The following EGFLAM variants were observed in gnomAD, a reference collection of about 807,000 sequenced individuals.
EGFLAM encodes pikachurin.
A neutral mutation model predicts 113.1 loss-of-function variants in EGFLAM; 79 were observed. The observed-to-expected ratio is 0.70, with a 90% CI of 0.58 to 0.84. The LOEUF (loss-of-function observed/expected upper bound fraction) is 0.84. Among genes scored for constraint, EGFLAM ranks in the 40% least tolerant of loss-of-function variants. The pLI, the probability that EGFLAM is intolerant of heterozygous loss-of-function variation, is 0.00. For synonymous variants in EGFLAM, 504 were observed against 487.6 expected (o/e 1.03, Z -0.44); for missense variants, 1,265 against 1,291.6 (o/e 0.98, Z 0.32).
intron 11 of EGFLAM, among the ~76,000 whole-genome samples, chr5:38,413,226 A>C (rs1413908426): frequency 3.5e-5 from 4 of 114,060 alleles, no homozygotes; most frequent in Non-Finnish European, 5.0e-5. Flanking sequence ...TTAGAGTTTC[A>C]CTGTGTTGCC....
chr5:38,310,544 C>T (rs1388964944), intron 1 of EGFLAM, among the ~76,000 whole-genome samples: 1 of 152,084 alleles, frequency 6.6e-6, no homozygotes, highest in Non-Finnish European at 1.5e-5. Context: ...TTCCTTTCTT[C>T]CCTCCTACCT....
chr5:38,438,225 A>G, intron 16 of EGFLAM, 50 bp from the exon 17 acceptor site: 1 of 1,583,262 alleles, frequency 6.3e-7, no homozygotes, highest in Non-Finnish European at 8.6e-7. Context: ...TTAGAAGACT[A>G]CAAAGATGTT....
chr5:38,410,866 T>G (rs1741455796), intron 10 of EGFLAM, among the ~76,000 whole-genome samples: 1 of 152,190 alleles, frequency 6.6e-6, no homozygotes, highest in African/African-American at 2.4e-5. Flanking sequence ...TTTATGAATA[T>G]CACTGAGCTT....
At position 38,258,567 on chromosome 5, in the gene EGFLAM, A is replaced by C; in HGVS notation, c.-188A>C. 1.7e-6 allele frequency: 1 copy of C among 597,924 alleles called. No individual in the cohort carries two copies. The highest frequency in any genetic ancestry group is 2.9e-6 in the Non-Finnish European group (1 of 343,722). The allele number at this position is 597,924 out of a possible 1,614,324, so 37.0% of individuals were successfully genotyped here. A position where few individuals can be genotyped will look rare whatever the true frequency, so the allele number is the denominator to read the frequency against. ...AGCTTGCAGCCGGCTTCACTCGCGC[A>C]CGCCGACCTCCCGGCTGCAGTCCTA... On this transcript the variant is annotated 5_prime_UTR_variant, in exon 1 of 22. Transcript: ENST00000322350.
In EGFLAM at chr5:38,445,847, G is replaced by A. The variant is rs140342224; in HGVS notation, c.2465-2454G>A. 9.2e-3 allele frequency: 8,289 copies of A among 897,322 alleles called. 56 individuals are homozygous for A. Among genetic ancestry groups the A allele is most frequent in the Non-Finnish European group, 0.012 (6,630 of 551,972 alleles). 55.6% of individuals were successfully genotyped at this position (897,322 alleles called of 1,614,324 possible). On this transcript the variant is annotated intron_variant, in intron 17 of 21. Coordinates refer to ENST00000322350, the MANE Select transcript of EGFLAM (RefSeq NM_152403.4). ...GAAGCCTCCCCGCCGGCCAGCCAGA[G>A]GACACTTCTCTCCTGAGCTGGGGGC...
chr5:38,278,385 A>C (rs539794896), intron 1 of EGFLAM, among the ~76,000 whole-genome samples: 4 of 152,336 alleles, frequency 2.6e-5, no homozygotes, highest in Admixed American at 6.5e-5. Flanking sequence ...TGATATACAA[A>C]AATCAACTCA....
intron 3 of EGFLAM, among the ~76,000 whole-genome samples, chr5:38,347,337 G>T (rs542285172): frequency 6.6e-6 from 1 of 152,216 alleles, no homozygotes; most frequent in African/African-American, 2.4e-5. Context: ...CTAAGCTTTG[G>T]GATGCCAGGG....
At chr5:38,393,087 G>C (rs1740859534) in intron 6 of EGFLAM, among the ~76,000 whole-genome samples, 1 of 151,976 alleles carries the variant, frequency 6.6e-6, no homozygotes, top group African/African-American at 2.4e-5. Context: ...AGAAATTTTA[G>C]AATCAGTTTT....
At chr5:38,346,408 G>A (rs1393136723) in intron 3 of EGFLAM, 1 of 152,136 alleles carries the variant, frequency 6.6e-6, no homozygotes, top group Non-Finnish European at 1.5e-5. Context: ...TCCCTATTTT[G>A]CCACTGACTA....
At chr5:38,439,922 G>T (rs886436379) in intron 17 of EGFLAM, among the ~76,000 whole-genome samples, 1 of 152,146 alleles carries the variant, frequency 6.6e-6, no homozygotes, top group African/African-American at 2.4e-5. Flanking sequence ...TGTAAATCCC[G>T]GACTTAGATG....
chr5:38,282,030 G>C (rs186222291), intron 1 of EGFLAM, among the ~76,000 whole-genome samples: 1 of 152,140 alleles, frequency 6.6e-6, no homozygotes, highest in African/African-American at 2.4e-5. Flanking sequence ...TAAAGGGAAA[G>C]ATCACTGTAA....
At chr5:38,451,628 T>G in intron 19 of EGFLAM, 170 bp downstream of exon 19, 1 of 993,838 alleles carries the variant, frequency 1.0e-6, no homozygotes, top group South Asian at 1.8e-5. Flanking sequence ...AACATTCATC[T>G]TATAGAGCAG....
At chr5:38,310,552 C>G (rs1453743574) in intron 1 of EGFLAM, among the ~76,000 whole-genome samples, 1 of 152,054 alleles carries the variant, frequency 6.6e-6, no homozygotes, top group Non-Finnish European at 1.5e-5. Flanking sequence ...TTCCCTCCTA[C>G]CTTCTTCATT....
At chr5:38,461,511 T>C (rs74677848) in intron 20 of EGFLAM, among the ~76,000 whole-genome samples, 2,464 of 151,948 alleles carry the variant, frequency 0.016, 69 homozygotes, top group African/African-American at 0.055. Context: ...TTTAGAGTAA[T>C]TAATTTTTTT....
At chr5:38,324,928 C>T (rs1738837539) in intron 1 of EGFLAM, among the ~76,000 whole-genome samples, 1 of 152,138 alleles carries the variant, frequency 6.6e-6, no homozygotes, top group Middle Eastern at 3.2e-3. Context: ...GTGATGCCAC[C>T]TACCAGGGTT....
chr5:38,310,196 C>T (rs2111855484), intron 1 of EGFLAM, among the ~76,000 whole-genome samples: 1 of 152,300 alleles, frequency 6.6e-6, no homozygotes, highest in South Asian at 2.1e-4. Flanking sequence ...TATAATCTTT[C>T]CTCCTCTTCA....
intron 1 of EGFLAM, among the ~76,000 whole-genome samples, chr5:38,289,275 G>GC (rs1554045471): frequency 6.7e-6 from 1 of 148,962 alleles, no homozygotes; most frequent in African/African-American, 2.5e-5. Context: ...TTCTTTCCCC[G>GC]CCCCCACATT....
At chr5:38,444,684 C>A (rs752883872) in intron 17 of EGFLAM, among the ~76,000 whole-genome samples, 1 of 152,170 alleles carries the variant, frequency 6.6e-6, no homozygotes, top group Non-Finnish European at 1.5e-5. Flanking sequence ...GTGGCTCACA[C>A]CTGTAATCCA....
chr5:38,445,743 T>C (rs200452365), intron 17 of EGFLAM: 99 of 1,593,196 alleles, frequency 6.2e-5, no homozygotes, highest in African/African-American at 5.3e-5. Flanking sequence ...GAGAGCGCTC[T>C]GGGCTGGGGC....
Sources: allele counts gnomAD v4.1 joint callset (sites outside exome capture counted in the v4.1 genomes callset), GRCh38; gene constraint gnomAD v4.1.1; transcripts MANE v1.5; gene names NCBI Gene and HGNC (gene_info 2026-07-23, HGNC 2026-07-21).